Variants in FHIT observed in about 807,000 individuals in gnomAD.
FHIT encodes the protein fragile histidine triad diadenosine triphosphatase.
FHIT carries 19 observed loss-of-function variants against 17.9 expected under a neutral mutation model. The observed-to-expected ratio is 1.06, with a 90% CI of 0.74 to 1.56. The LOEUF is 1.56. Ranked by LOEUF, FHIT falls within the 40% of genes most tolerant of loss-of-function variation. The pLI, the probability that FHIT is intolerant of heterozygous loss-of-function variation, is 0.00. For missense variants in FHIT, 248 were observed against 189.2 expected, an observed-to-expected ratio of 1.31 and a Z score of -1.82; for synonymous variants, 81 against 69.7, an observed-to-expected ratio of 1.16 and a Z score of -0.81.
intron 4 of FHIT, among the ~76,000 whole-genome samples, chr3:60,659,157 T>A (rs1553690438): frequency 6.6e-6 from 1 of 152,052 alleles, no homozygotes; most frequent in Non-Finnish European, 1.5e-5. Flanking sequence ...TATTGATGAT[T>A]CCTTCTACAT....
intron 3 of FHIT, among the ~76,000 whole-genome samples, chr3:61,029,067 G>A (rs2032880714): frequency 1.3e-5 from 2 of 152,050 alleles, no homozygotes; most frequent in Admixed American, 1.3e-4. Flanking sequence ...ATGCTCTTCT[G>A]AGAAAAACGA....
intron 8 of FHIT, among the ~76,000 whole-genome samples, chr3:59,777,846 C>T (rs1702399581): frequency 6.6e-6 from 1 of 152,130 alleles, no homozygotes; most frequent in Non-Finnish European, 1.5e-5. Flanking sequence ...GGATGTATGG[C>T]TTTTGCAATC....
chr3:60,833,101 G>T (rs1702390459), intron 3 of FHIT, among the ~76,000 whole-genome samples: 1 of 152,146 alleles, frequency 6.6e-6, no homozygotes, highest in Non-Finnish European at 1.5e-5. Context: ...AGGGGTATAA[G>T]CCTGGGTGCC....
At chr3:61,228,851 C>T (rs1246243871) in intron 1 of FHIT, among the ~76,000 whole-genome samples, 1 of 152,164 alleles carries the variant, frequency 6.6e-6, no homozygotes, top group Non-Finnish European at 1.5e-5. Context: ...TTCGATGGGT[C>T]ATTCATCAAT....
At chr3:60,884,756 T>C (rs2107143302) in intron 3 of FHIT, among the ~76,000 whole-genome samples, 1 of 151,660 alleles carries the variant, frequency 6.6e-6, no homozygotes, top group East Asian at 1.9e-4. Flanking sequence ...TATGGCAAGA[T>C]TCTATCTCTA....
chr3:59,784,742 C>A (rs765876080), intron 8 of FHIT, among the ~76,000 whole-genome samples: 1 of 152,162 alleles, frequency 6.6e-6, no homozygotes, highest in Non-Finnish European at 1.5e-5. Flanking sequence ...ATTGATCAAC[C>A]TTCTTGTGTT....
In FHIT at chr3:59,847,365, T is replaced by C. The variant is rs1198295953; in HGVS notation, c.348+74981A>G. ...TTCTTCTGCCTGTCAAAATCTGCCT[T>C]TGAGTTCTAGTGAATTTCTCATGTC... On this transcript the variant is annotated intron_variant, in intron 8 of 9. Transcript: ENST00000492590. Among the ~76,000 whole-genome samples the C allele has an allele frequency of 3.3e-5, 5 of 152,156 alleles. No homozygotes were observed. The East Asian group carries it at 9.6e-4, about 29-fold the overall frequency.
chr3:59,854,628 A>G (rs1169610516), intron 8 of FHIT, among the ~76,000 whole-genome samples: 1 of 152,142 alleles, frequency 6.6e-6, no homozygotes, highest in Non-Finnish European at 1.5e-5. Flanking sequence ...TAATCCTCAC[A>G]ATTTTGTGAT....
At chr3:60,291,457 C>T (rs1707979870) in intron 5 of FHIT, among the ~76,000 whole-genome samples, 1 of 151,616 alleles carries the variant, frequency 6.6e-6, no homozygotes, top group Admixed American at 6.6e-5. Context: ...ATGGTAACAA[C>T]AAAAAAAGGG....
intron 3 of FHIT, chr3:60,912,742 T>C (rs1553766222): frequency 7.7e-6 from 4 of 516,468 alleles, no homozygotes; most frequent in African/African-American, 1.9e-5. Context: ...AGTTCCCCCA[T>C]ATATTTACCT....
At chr3:60,128,990 C>T (rs1462311469) in intron 5 of FHIT, among the ~76,000 whole-genome samples, 1 of 151,606 alleles carries the variant, frequency 6.6e-6, no homozygotes, top group African/African-American at 2.4e-5. Flanking sequence ...TCATTGATTT[C>T]ACACCTTTCC....
intron 8 of FHIT, among the ~76,000 whole-genome samples, chr3:59,763,416 G>A (rs1701629684): frequency 6.6e-6 from 1 of 152,182 alleles, no homozygotes; most frequent in African/African-American, 2.4e-5. Flanking sequence ...AGCAGCAACT[G>A]GGTTGTCAAG....
chr3:60,705,265 A>G (rs2041345433), intron 4 of FHIT, among the ~76,000 whole-genome samples: 1 of 152,198 alleles, frequency 6.6e-6, no homozygotes, highest in Non-Finnish European at 1.5e-5. Context: ...GGAGACATAA[A>G]CATAGAACTT....
chr3:60,490,181 T>C (rs2034003047), intron 5 of FHIT, among the ~76,000 whole-genome samples: 1 of 152,066 alleles, frequency 6.6e-6, no homozygotes, highest in Non-Finnish European at 1.5e-5. Flanking sequence ...ACAAACATGG[T>C]TTAATCTAAT....
chr3:60,881,991 C>G (rs1310640366), intron 3 of FHIT, among the ~76,000 whole-genome samples: 1 of 151,760 alleles, frequency 6.6e-6, no homozygotes, highest in Non-Finnish European at 1.5e-5. Context: ...AATTAACAAA[C>G]CACGAGCTAA....
intron 2 of FHIT, among the ~76,000 whole-genome samples, chr3:61,188,417 C>A (rs544333233): frequency 2.6e-5 from 4 of 152,064 alleles, no homozygotes; most frequent in South Asian, 4.1e-4. Flanking sequence ...CAAAAACAGG[C>A]TCTGAAATTG....
intron 5 of FHIT, among the ~76,000 whole-genome samples, chr3:60,263,170 T>C (rs1032566860): frequency 6.6e-6 from 1 of 151,900 alleles, no homozygotes; most frequent in Admixed American, 6.6e-5. Flanking sequence ...CTAAATAGAA[T>C]GGCTGAAATA....
intron 1 of FHIT, among the ~76,000 whole-genome samples, chr3:61,247,666 C>G (rs1208288698): frequency 6.6e-6 from 1 of 152,158 alleles, no homozygotes; most frequent in Non-Finnish European, 1.5e-5. Context: ...AAGTGTGCTA[C>G]TCTAAGAAAA....
chr3:60,172,102 T>G (rs1701445272), intron 5 of FHIT, among the ~76,000 whole-genome samples: 2 of 152,006 alleles, frequency 1.3e-5, no homozygotes, highest in Non-Finnish European at 2.9e-5. Context: ...AACAAGCACA[T>G]AAGTTTCTTA....
Sources: gnomAD v4.1 joint callset for allele counts (sites outside exome capture counted in the v4.1 genomes callset) on GRCh38, gnomAD v4.1.1 for gene constraint, MANE v1.5 for transcripts, NCBI Gene and HGNC (gene_info 2026-07-23, HGNC 2026-07-21) for gene names.